Variants in NELL1 observed in about 807,000 individuals in gnomAD.
The protein encoded by NELL1 is protein kinase C-binding protein NELL1.
NELL1 carries 76 observed loss-of-function variants against 107.4 expected under a neutral mutation model. That is an observed-to-expected ratio of 0.71 (90% CI 0.59 to 0.86). NELL1 has a LOEUF of 0.86. Among genes scored for constraint, NELL1 ranks in the 40% least tolerant of loss-of-function variants. The probability of loss-of-function intolerance (pLI) is 0.00; values close to 1 mark genes in which losing one functional copy is unlikely to be tolerated. For missense variants in NELL1, 1,024 were observed against 1,005.5 expected, an observed-to-expected ratio of 1.02 and a Z score of -0.25; for synonymous variants, 353 against 341.2, an observed-to-expected ratio of 1.03 and a Z score of -0.38.
chr11:21,212,121 G>T (rs1330826543), intron 13 of NELL1, among the ~76,000 whole-genome samples: 3 of 152,118 alleles, frequency 2.0e-5, no homozygotes, highest in South Asian at 4.1e-4. Context: ...CCATGGTTCT[G>T]CTTCTTCTGA....
At chr11:21,292,980 GA>G (rs1241346831) in intron 14 of NELL1, among the ~76,000 whole-genome samples, 1 of 152,108 alleles carries the variant, frequency 6.6e-6, no homozygotes, top group Non-Finnish European at 1.5e-5. Context: ...AACCCTAGAA[GA>G]AAACCTAGGC....
chr11:20,689,137 T>C (rs879637349), intron 2 of NELL1, among the ~76,000 whole-genome samples: 1 of 152,100 alleles, frequency 6.6e-6, no homozygotes, highest in Admixed American at 6.6e-5. Context: ...GGTTTTTGCT[T>C]GTTCAATTGT....
At chr11:20,694,918 C>G (rs995031127) in intron 2 of NELL1, among the ~76,000 whole-genome samples, 4 of 151,936 alleles carry the variant, frequency 2.6e-5, no homozygotes, top group African/African-American at 9.7e-5. Context: ...TTCTTCTAAT[C>G]CATGAACATG....
intron 4 of NELL1, among the ~76,000 whole-genome samples, chr11:20,875,422 A>G (rs1266225931): frequency 6.6e-6 from 1 of 152,122 alleles, no homozygotes; most frequent in Non-Finnish European, 1.5e-5. Context: ...CCTATATTCT[A>G]GCCAGGTATA....
chr11:21,551,549 C>A (rs1445883715), intron 16 of NELL1, among the ~76,000 whole-genome samples: 1 of 151,636 alleles, frequency 6.6e-6, no homozygotes, highest in African/African-American at 2.4e-5. Flanking sequence ...CTCACCATCA[C>A]TGGCCATCAG....
intron 4 of NELL1, among the ~76,000 whole-genome samples, chr11:20,852,626 G>A (rs1436968908): frequency 6.6e-6 from 1 of 152,170 alleles, no homozygotes; most frequent in East Asian, 1.9e-4. Flanking sequence ...AGTATGCGGA[G>A]GGAAATTAAG....
rs540532958 is a variant in NELL1 at position 21,076,134 on chromosome 11, G to A, written c.1301-37455G>A. Among the ~76,000 whole-genome samples the A allele has an allele frequency of 3.1e-4, 46 of 149,362 alleles. No homozygotes were observed. The South Asian group carries it at 8.5e-3, about 28-fold the overall frequency. Reference sequence around the variant, plus strand: ...CTGTGGAAACGGTCTTTTATTCTCTGTATGTGATTGGCACAGTTAATAGAA... The same window carrying A: ...CTGTGGAAACGGTCTTTTATTCTCTATATGTGATTGGCACAGTTAATAGAA... On this transcript the variant is annotated intron_variant, in intron 12 of 19. Coordinates refer to ENST00000357134, the MANE Select transcript of NELL1 (RefSeq NM_006157.5).
intron 15 of NELL1, among the ~76,000 whole-genome samples, chr11:21,420,613 C>A (rs1852640987): frequency 6.6e-6 from 1 of 152,100 alleles, no homozygotes; most frequent in African/African-American, 2.4e-5. Flanking sequence ...AGGAAGACGG[C>A]ATGAAAATTT....
At chr11:21,248,148 C>A (rs573338172) in intron 14 of NELL1, among the ~76,000 whole-genome samples, 1 of 152,174 alleles carries the variant, frequency 6.6e-6, no homozygotes, top group African/African-American at 2.4e-5. Context: ...AGTTCAAGAC[C>A]AACCTGAGCA....
At chr11:21,479,016 T>C (rs566573412) in intron 15 of NELL1, among the ~76,000 whole-genome samples, 4 of 152,206 alleles carry the variant, frequency 2.6e-5, no homozygotes, top group African/African-American at 9.6e-5. Flanking sequence ...TTAAATGGCT[T>C]TTATCCAAAA....
intron 14 of NELL1, among the ~76,000 whole-genome samples, chr11:21,280,649 C>T (rs990655333): frequency 4.6e-5 from 7 of 151,998 alleles, no homozygotes; most frequent in Non-Finnish European, 1.0e-4. Flanking sequence ...TTAAACCAGC[C>T]CTAGCCAGAG....
chr11:21,357,463 T>C (rs1850961558), intron 14 of NELL1, among the ~76,000 whole-genome samples: 1 of 152,218 alleles, frequency 6.6e-6, no homozygotes, highest in Non-Finnish European at 1.5e-5. Context: ...TTTTGAGAAT[T>C]GTCCATTCAT....
chr11:21,161,896 ATAG>A (rs1856378383), intron 13 of NELL1, among the ~76,000 whole-genome samples: 1 of 147,356 alleles, frequency 6.8e-6, no homozygotes, highest in Admixed American at 6.7e-5. Flanking sequence ...GCCATATTGG[ATAG>A]TACAGTAAAA....
chr11:21,455,049 T>G (rs1853691376), intron 15 of NELL1, among the ~76,000 whole-genome samples: 1 of 152,246 alleles, frequency 6.6e-6, no homozygotes, highest in Admixed American at 6.5e-5. Flanking sequence ...AGAACTTCCA[T>G]AAACTTTCAG....
At chr11:21,351,427 T>C (rs949611665) in intron 14 of NELL1, among the ~76,000 whole-genome samples, 2 of 151,706 alleles carry the variant, frequency 1.3e-5, no homozygotes, top group African/African-American at 4.8e-5. Context: ...TCAGCTGAGA[T>C]TTGCAGGTCA....
intron 2 of NELL1, among the ~76,000 whole-genome samples, chr11:20,689,519 A>C (rs1854399894): frequency 7.0e-6 from 1 of 141,958 alleles, no homozygotes; most frequent in Non-Finnish European, 1.5e-5. Context: ...CCCATCTATG[A>C]GTGAGAACAT....
chr11:21,216,304 T>G (rs1025261479), intron 13 of NELL1, among the ~76,000 whole-genome samples: 6 of 152,182 alleles, frequency 3.9e-5, no homozygotes, highest in African/African-American at 1.2e-4. Flanking sequence ...ATGGAGAATC[T>G]CTGCTAGGGA....
chr11:21,196,532 A>G (rs1004523937), intron 13 of NELL1, among the ~76,000 whole-genome samples: 1 of 152,014 alleles, frequency 6.6e-6, no homozygotes, highest in African/African-American at 2.4e-5. Flanking sequence ...CGTATGGTTT[A>G]TTTCTGCATT....
chr11:21,565,588 C>T lies in NELL1; in HGVS notation c.1981-5176C>T, dbSNP rs184617695. Among the ~76,000 whole-genome samples, 243 of 151,980 alleles carry T rather than the reference C, an allele frequency of 1.6e-3. 3 individuals are homozygous for T. The highest frequency in any genetic ancestry group is 3.4e-4 in the Non-Finnish European group (23 of 67,906). On this transcript the variant is annotated intron_variant, in intron 17 of 19. Coordinates refer to ENST00000357134, the MANE Select transcript of NELL1 (RefSeq NM_006157.5). ...GGTTTGAGGACTGCCACTTTGAAAA[C>T]TTTTGCCCCAAGAATACTTCTGATA...
Sources: allele counts gnomAD v4.1 joint callset (sites outside exome capture counted in the v4.1 genomes callset), GRCh38; gene constraint gnomAD v4.1.1; transcripts MANE v1.5; gene names NCBI Gene and HGNC (gene_info 2026-07-23, HGNC 2026-07-21).